Variants in ADAM23 observed in about 807,000 individuals in gnomAD.
ADAM23 encodes the protein ADAM metallopeptidase domain 23.
A neutral mutation model predicts 120.1 loss-of-function variants in ADAM23; 33 were observed. The ratio of observed to expected loss-of-function variants is 0.27; its 90% CI spans 0.21 to 0.37. ADAM23 has a LOEUF of 0.37. Ranked by LOEUF, ADAM23 falls within the 10% of genes least tolerant of loss-of-function variation. ADAM23 has a pLI of 1.00. For missense variants in ADAM23, 862 were observed against 1,058.2 expected (o/e 0.81, Z 2.57); for synonymous variants, 367 against 375.2 (o/e 0.98, Z 0.25).
intron 3 of ADAM23, among the ~76,000 whole-genome samples, chr2:206,507,108 A>AT (rs540948896): frequency 2.2e-4 from 34 of 152,070 alleles, no homozygotes; most frequent in Admixed American, 5.2e-4. Flanking sequence ...ATGCAGGGCT[A>AT]TTTTTTTTAA....
intron 3 of ADAM23, among the ~76,000 whole-genome samples, chr2:206,519,633 C>G (rs554179846): frequency 2.0e-5 from 3 of 152,224 alleles, no homozygotes; most frequent in African/African-American, 4.8e-5. Flanking sequence ...AGGTTGTGTT[C>G]TTATCTACCA....
At chr2:206,544,772 C>G (rs559185292) in intron 6 of ADAM23, among the ~76,000 whole-genome samples, 16 of 152,146 alleles carry the variant, frequency 1.1e-4, no homozygotes, top group African/African-American at 3.4e-4. Context: ...GCCACCGCAC[C>G]CAGCTAATTT....
chr2:206,560,036 A>C lies in ADAM23; in HGVS notation c.1087A>C (p.Thr363Pro). ...WTEKDQIDIT[T>P]NPVQMLHEFS... ...TGAGAAGGATCAGATTGACATCACC[A>C]CCAACCCTGTGCAGATGCTCCATGA... The change falls in exon 11 of 26, where the codon ACC becomes CCC. Residue 363 changes from threonine (T) to proline (P), a missense_variant. By Grantham distance (38) the Thr-to-Pro change is conservative (BLOSUM62 -1). Transcript: ENST00000264377. 1 of 1,614,060 alleles carries C rather than the reference A, an allele frequency of 6.2e-7. No individual in the cohort carries two copies. Among genetic ancestry groups the C allele is most frequent in the South Asian group, 1.1e-5 (1 of 91,078 alleles).
chr2:206,487,433 G>A (rs2105882866), intron 3 of ADAM23, among the ~76,000 whole-genome samples: 1 of 152,286 alleles, frequency 6.6e-6, no homozygotes, highest in Non-Finnish European at 1.5e-5. Context: ...GTTGATAGGT[G>A]CTCAAGGTAG....
chr2:206,594,289 T>A (rs1459018532), intron 22 of ADAM23, among the ~76,000 whole-genome samples: 1 of 152,200 alleles, frequency 6.6e-6, no homozygotes, highest in Non-Finnish European at 1.5e-5. Context: ...TTATGGATAA[T>A]CAGATCTTCT....
At position 206,619,221 on chromosome 2, in the gene ADAM23, A is replaced by T. The variant is rs1449958224; in HGVS notation, c.*1594A>T. On this transcript the variant is annotated 3_prime_UTR_variant, in exon 26 of 26. Coordinates refer to ENST00000264377, the MANE Select transcript of ADAM23 (RefSeq NM_003812.4). ...GATCAGTGGACCGTTGCACTGGATT[A>T]TAATGGGATTCTACTATATACAAAT... 2.0e-5 allele frequency: 3 copies of T among 152,236 alleles called. No individual in the cohort carries two copies. Among genetic ancestry groups the T allele is most frequent in the Admixed American group, 1.3e-4 (2 of 15,288 alleles). The allele number at this position is 152,236 out of a possible 1,614,324, so 9.4% of individuals were successfully genotyped here.
chr2:206,445,409 C>A lies in ADAM23; in HGVS notation c.317C>A (p.Ala106Glu). Reference sequence around the variant, plus strand: ...AGCAGTAATATCAGTTACAGCAATGCAATGCAGAAAGAAATCACACTGCCT... The same window carrying A: ...AGCAGTAATATCAGTTACAGCAATGAAATGCAGAAAGAAATCACACTGCCT... ...NSSSNISYSN[A>E]MQKEITLPSR... is the part of the protein sequence containing the mutation. The change falls in exon 2 of 26, where the codon GCA becomes GAA. Residue 106 changes from alanine to glutamate, a missense_variant. Around this residue, in one of 4 missense-constraint regions of ADAM23, gnomAD observed 225 missense variants for 204.0 expected, o/e 1.10. Transcript: ENST00000264377. 2 of 1,614,010 alleles carry A rather than the reference C, an allele frequency of 1.2e-6. No homozygotes were observed. Among genetic ancestry groups the A allele is most frequent in the Non-Finnish European group, 1.7e-6 (2 of 1,179,944 alleles).
chr2:206,449,923 CTT>C (rs961847420), intron 2 of ADAM23, among the ~76,000 whole-genome samples: 1 of 152,154 alleles, frequency 6.6e-6, no homozygotes, highest in African/African-American at 2.4e-5. Flanking sequence ...GTGGCTCAGT[CTT>C]TTGCTTTCTC....
At chr2:206,589,257 T>G in intron 20 of ADAM23, 152 bp from the exon 21 acceptor site, 1 of 590,542 alleles carries the variant, frequency 1.7e-6, no homozygotes. Context: ...CCATGGAGAA[T>G]TTATACCATG....
intron 17 of ADAM23, among the ~76,000 whole-genome samples, chr2:206,572,401 T>G (rs6736588): frequency 0.53 from 80,136 of 151,990 alleles, 21,217 homozygotes; most frequent in Middle Eastern, 0.59. Flanking sequence ...AATCTTCCCT[T>G]TTCTCATATA....
chr2:206,461,328 C>T (rs1695414640), intron 2 of ADAM23, among the ~76,000 whole-genome samples: 1 of 152,154 alleles, frequency 6.6e-6, no homozygotes, highest in Non-Finnish European at 1.5e-5. Context: ...TCCCGAAGTG[C>T]GTGATTACAG....
chr2:206,527,048 A>G (rs1238483685), intron 3 of ADAM23, among the ~76,000 whole-genome samples: 1 of 152,188 alleles, frequency 6.6e-6, no homozygotes, highest in African/African-American at 2.4e-5. Context: ...CTTTCAACAG[A>G]TAACCTGCAT....
At position 206,493,374 on chromosome 2, in the gene ADAM23, A is replaced by T. The variant is rs907419838; in HGVS notation, c.509+12066A>T. Among the ~76,000 whole-genome samples the T allele has an allele frequency of 9.2e-5, 14 of 152,056 alleles. 1 individual carries two copies. The highest frequency in any genetic ancestry group is 3.4e-4 in the African/African-American group (14 of 41,512). ...ACAAAATAATCTATACTGGCTTTTT[A>T]TTTATTTATTTTTTTGAGACGGAGT... is the stretch of plus-strand genomic sequence containing the variant. On this transcript the variant is annotated intron_variant, in intron 3 of 25. Transcript: ENST00000264377.
chr2:206,596,452 G>A (rs867437891), intron 24 of ADAM23, among the ~76,000 whole-genome samples: 1 of 152,142 alleles, frequency 6.6e-6, no homozygotes, highest in Middle Eastern at 3.4e-3. Context: ...TCTTTCTGTA[G>A]TCACAAATTA....
At chr2:206,566,301 G>T (rs981010109) in intron 14 of ADAM23, among the ~76,000 whole-genome samples, 9 of 151,536 alleles carry the variant, frequency 5.9e-5, no homozygotes, top group African/African-American at 2.2e-4. Context: ...ATTTTTCTAA[G>T]AGGTTCCTAT....
intron 4 of ADAM23, among the ~76,000 whole-genome samples, chr2:206,534,337 T>C (rs983029880): frequency 6.6e-6 from 1 of 152,170 alleles, no homozygotes; most frequent in Non-Finnish European, 1.5e-5. Flanking sequence ...AAAATAGAAA[T>C]TACATATATT....
At chr2:206,606,324 G>C (rs1361729927) in intron 24 of ADAM23, among the ~76,000 whole-genome samples, 3 of 152,032 alleles carry the variant, frequency 2.0e-5, no homozygotes, top group Admixed American at 6.6e-5. Context: ...CCTTTTAAAG[G>C]TAATAAAAAT....
intron 3 of ADAM23, among the ~76,000 whole-genome samples, chr2:206,523,280 G>A (rs1291544222): frequency 7.2e-6 from 1 of 138,444 alleles, no homozygotes; most frequent in African/African-American, 2.8e-5. Flanking sequence ...ATATGGTTTA[G>A]GAGATCATTA....
intron 10 of ADAM23, among the ~76,000 whole-genome samples, chr2:206,558,921 TTTTGTTTGTTTG>T (rs71409830): frequency 1.5e-5 from 2 of 134,800 alleles, no homozygotes; most frequent in African/African-American, 3.4e-5. Context: ...ATCCATTGGT[TTTTGTTTGTTTG>T]TTTGTTTGTT....
Sources: allele counts gnomAD v4.1 joint callset (sites outside exome capture counted in the v4.1 genomes callset), GRCh38; gene constraint gnomAD v4.1.1; regional missense constraint gnomAD v4.1.1; transcripts MANE v1.5; gene names NCBI Gene and HGNC (gene_info 2026-07-23, HGNC 2026-07-21).